The following TENM4 variants were observed in gnomAD, a reference collection of about 807,000 sequenced individuals.
The protein encoded by TENM4 is teneurin transmembrane protein 4, also known as teneurin-4.
TENM4 carries 82 observed loss-of-function variants against 243.3 expected under a neutral mutation model. The ratio of observed to expected loss-of-function variants is 0.34; its 90% CI spans 0.28 to 0.40. The LOEUF (loss-of-function observed/expected upper bound fraction) is 0.40. Among genes scored for constraint, TENM4 ranks in the 10% least tolerant of loss-of-function variants. The pLI, the probability that TENM4 is intolerant of heterozygous loss-of-function variation, is 1.00. For missense variants in TENM4, 3,138 were observed against 3,673.3 expected (o/e 0.85, Z 3.77); for synonymous variants, 1,412 against 1,456.3 (o/e 0.97, Z 0.69).
At chr11:79,172,677 T>TA (rs1863071844) in intron 3 of TENM4, among the ~76,000 whole-genome samples, 1 of 151,744 alleles carries the variant, frequency 6.6e-6, no homozygotes, top group African/African-American at 2.4e-5. Context: ...TTTTTTTTTT[T>TA]TTTTTGAGTC....
chr11:79,018,452 G>A (rs947293728), intron 6 of TENM4, among the ~76,000 whole-genome samples: 1 of 150,384 alleles, frequency 6.6e-6, no homozygotes, highest in African/African-American at 2.4e-5. Flanking sequence ...TCACACACAT[G>A]CACACACACA....
intron 6 of TENM4, among the ~76,000 whole-genome samples, chr11:78,906,649 T>G (rs977408417): frequency 1.3e-5 from 2 of 152,228 alleles, no homozygotes; most frequent in African/African-American, 4.8e-5. Flanking sequence ...TTCTATCTTT[T>G]GAGCTCTCAG....
At chr11:78,765,654 A>G (rs1455814108) in intron 18 of TENM4, among the ~76,000 whole-genome samples, 1 of 152,188 alleles carries the variant, frequency 6.6e-6, no homozygotes, top group Non-Finnish European at 1.5e-5. Context: ...ATAGGTTCCA[A>G]TCTAATCCTA....
chr11:78,859,477 T>G (rs1055814770), intron 10 of TENM4, among the ~76,000 whole-genome samples: 19 of 152,218 alleles, frequency 1.2e-4, no homozygotes, highest in African/African-American at 4.6e-4. Context: ...AAATATGCAA[T>G]CATGTCTATA....
intron 2 of TENM4, among the ~76,000 whole-genome samples, chr11:79,263,240 C>T (rs746188608): frequency 6.6e-6 from 1 of 152,172 alleles, no homozygotes; most frequent in African/African-American, 2.4e-5. Context: ...CTGCTCTGGC[C>T]GTCTGACTCC....
chr11:78,949,997 G>C (rs763055511), intron 6 of TENM4, among the ~76,000 whole-genome samples: 1 of 151,960 alleles, frequency 6.6e-6, no homozygotes, highest in African/African-American at 2.4e-5. Context: ...TTGGCGGGGC[G>C]GGGGGTGCAT....
At chr11:79,070,922 C>T (rs188374328) in intron 4 of TENM4, among the ~76,000 whole-genome samples, 16 of 152,314 alleles carry the variant, frequency 1.1e-4, no homozygotes, top group Admixed American at 5.2e-4. Flanking sequence ...CAGAGAATGT[C>T]CCTCACCTCC....
At chr11:78,732,107 T>G (rs1590975910) in intron 21 of TENM4, among the ~76,000 whole-genome samples, 5 of 143,576 alleles carry the variant, frequency 3.5e-5, no homozygotes. Flanking sequence ...CAGGCACTCA[T>G]GTGTTTTCCA....
chr11:78,816,506 G>A (rs1168712392), intron 12 of TENM4, among the ~76,000 whole-genome samples: 1 of 152,218 alleles, frequency 6.6e-6, no homozygotes, highest in Non-Finnish European at 1.5e-5. Context: ...CCATCCTGAA[G>A]GCAGCAAAGG....
chr11:78,759,281 A>T (rs1464342165), intron 18 of TENM4, among the ~76,000 whole-genome samples: 2 of 152,236 alleles, frequency 1.3e-5, no homozygotes, highest in African/African-American at 2.4e-5. Context: ...CCCCTGTCAG[A>T]CATTGCTTAA....
In TENM4 at chr11:78,808,652, C is replaced by G. The variant is rs146209471; in HGVS notation, c.1979-3160G>C. Among the ~76,000 whole-genome samples the G allele has an allele frequency of 1.4e-3, 214 of 152,192 alleles. 1 individual carries two copies. Among genetic ancestry groups the G allele is most frequent in the African/African-American group, 4.9e-3 (205 of 41,520 alleles). ...AAATACATGCATGCATATATACTTA[C>G]ATAAACACAAAAAATGTCTTAAAAA... On this transcript the variant is annotated intron_variant, in intron 14 of 33. Coordinates refer to ENST00000278550, the MANE Select transcript of TENM4 (RefSeq NM_001098816.3).
chr11:79,178,115 G>A (rs2135131804), intron 3 of TENM4, among the ~76,000 whole-genome samples: 1 of 152,248 alleles, frequency 6.6e-6, no homozygotes, highest in Non-Finnish European at 1.5e-5. Context: ...TCTGCTGATG[G>A]GTTGGATGTG....
chr11:79,395,448 C>T (rs1265051262), intron 1 of TENM4, among the ~76,000 whole-genome samples: 2 of 152,176 alleles, frequency 1.3e-5, no homozygotes, highest in Admixed American at 1.3e-4. Flanking sequence ...AAGAACTTGC[C>T]ACCAGGAACA....
In TENM4 at chr11:79,383,436, G is replaced by A. The variant is rs891612384; in HGVS notation, c.-321+57073C>T. Among the ~76,000 whole-genome samples the A allele has an allele frequency of 6.6e-5, 10 of 152,258 alleles. No homozygotes were observed. The South Asian group carries it at 1.9e-3, about 28-fold the overall frequency. On this transcript the variant is annotated intron_variant, in intron 1 of 33. Coordinates refer to ENST00000278550, the MANE Select transcript of TENM4 (RefSeq NM_001098816.3). The stretch of plus-strand genomic sequence containing the variant: ...TCCACAAAACACTTCCTTCATTCAA[G>A]TCTCTTTATTTGGACCATCTGGGAT...
intron 7 of TENM4, among the ~76,000 whole-genome samples, chr11:78,899,283 C>A (rs558183473): frequency 6.6e-6 from 1 of 152,092 alleles, no homozygotes; most frequent in African/African-American, 2.4e-5. Flanking sequence ...GTTTGTCCCC[C>A]CAAAGCTCAT....
chr11:79,313,403 A>C (rs1004241832), intron 1 of TENM4, among the ~76,000 whole-genome samples: 3 of 152,304 alleles, frequency 2.0e-5, no homozygotes, highest in East Asian at 1.9e-4. Flanking sequence ...ATCCCATGTC[A>C]TGTTCTCCAA....
intron 1 of TENM4, among the ~76,000 whole-genome samples, chr11:79,383,776 G>A (rs1050984401): frequency 9.2e-5 from 14 of 152,084 alleles, no homozygotes; most frequent in Non-Finnish European, 2.9e-5. Flanking sequence ...TGACATCCTT[G>A]ATCAACAAAA....
At chr11:79,018,307 T>C (rs1858831430) in intron 6 of TENM4, among the ~76,000 whole-genome samples, 1 of 152,184 alleles carries the variant, frequency 6.6e-6, no homozygotes, top group Admixed American at 6.5e-5. Context: ...ATTATCTGGC[T>C]ACCCTAACCT....
chr11:79,135,403 G>A (rs922365392), intron 4 of TENM4, among the ~76,000 whole-genome samples: 11 of 151,928 alleles, frequency 7.2e-5, no homozygotes, highest in Admixed American at 2.0e-4. Flanking sequence ...CTGCTGGTGG[G>A]AATGTAAACT....
Sources: allele counts gnomAD v4.1 joint callset (sites outside exome capture counted in the v4.1 genomes callset), GRCh38; gene constraint gnomAD v4.1.1; transcripts MANE v1.5; gene names NCBI Gene and HGNC (gene_info 2026-07-23, HGNC 2026-07-21).